LMLN: variants seen among roughly 807,000 people sequenced by gnomAD.
LMLN encodes leishmanolysin like peptidase.
Under a neutral mutation model 92.3 loss-of-function variants are expected in LMLN, and 70 were observed. The observed-to-expected ratio is 0.76, with a 90% confidence interval of 0.63 to 0.92. The LOEUF (loss-of-function observed/expected upper bound fraction) is 0.92, where lower values mean the gene tolerates loss of function less well. Among genes scored for constraint, LMLN ranks in the 40% least tolerant of loss-of-function variants. The pLI, the probability that LMLN is intolerant of heterozygous loss-of-function variation, is 0.00. For synonymous variants in LMLN, 308 were observed against 296.2 expected, an observed-to-expected ratio of 1.04 and a Z score of -0.41; for missense variants, 691 against 814.6, an observed-to-expected ratio of 0.85 and a Z score of 1.85.
intron 1 of LMLN, among the ~76,000 whole-genome samples, chr3:197,972,684 G>C (rs904176399): frequency 1.0e-4 from 15 of 150,228 alleles, no homozygotes; most frequent in Non-Finnish European, 5.9e-5. Flanking sequence ...TCTGGATTCT[G>C]TTGTATTTCT....
chr3:197,965,396 C>G (rs1461827031), intron 1 of LMLN, among the ~76,000 whole-genome samples: 1 of 151,848 alleles, frequency 6.6e-6, no homozygotes, highest in Non-Finnish European at 1.5e-5. Context: ...AATATATATT[C>G]TATAGTTTTT....
At chr3:198,040,069 A>T (rs566972816) in exon 16 of LMLN, 71 of 152,380 alleles carry the variant, frequency 4.7e-4, no homozygotes, top group African/African-American at 1.7e-3. Context: ...AAATTCTGGT[A>T]AAGACGGGTA....
intron 5 of LMLN, among the ~76,000 whole-genome samples, chr3:197,979,537 G>T (rs917021669): frequency 2.6e-5 from 4 of 152,086 alleles, no homozygotes; most frequent in Non-Finnish European, 5.9e-5. Flanking sequence ...AAATTTTTAG[G>T]CTGGGTGCAG....
At chr3:198,000,545 A>G (rs1025018434) in intron 11 of LMLN, among the ~76,000 whole-genome samples, 1 of 152,186 alleles carries the variant, frequency 6.6e-6, no homozygotes, top group Non-Finnish European at 1.5e-5. Flanking sequence ...CTCCTGCCTC[A>G]GCCTCCTGAG....
At chr3:198,014,013 T>C in intron 11 of LMLN, among the ~76,000 whole-genome samples, 1 of 142,292 alleles carries the variant, frequency 7.0e-6, no homozygotes, top group Non-Finnish European at 1.5e-5. Flanking sequence ...GTCTGACTTC[T>C]CTCCACCCTT....
chr3:198,027,502 C>A, intron 14 of LMLN, among the ~76,000 whole-genome samples: 1 of 152,108 alleles, frequency 6.6e-6, no homozygotes, highest in East Asian at 1.9e-4. Flanking sequence ...ACTCACTAAA[C>A]AATCCCTCCC....
Position 198,019,364 on chromosome 3 carries a change from G to A in LMLN, c.1344G>A (p.Lys448=). 6.2e-7 allele frequency: 1 copy of A among 1,613,928 alleles called. No individual in the cohort carries two copies. The highest frequency in any genetic ancestry group is 8.5e-7 in the Non-Finnish European group (1 of 1,180,006). Residue 448 remains lysine (K), a synonymous_variant, in exon 12 of 16, where the codon AAG becomes AAA. Transcript: ENST00000330198. The surrounding 1 kb of genome is among the most constrained non-coding windows in gnomAD (Gnocchi z 5.5). ...TGTGTAATTTGCAGAAGTTCCCTAAGCCTTTACCACAGGAATACCAGGTAG... is the reference window on the plus strand; with the variant it reads ...TGTGTAATTTGCAGAAGTTCCCTAAACCTTTACCACAGGAATACCAGGTAG...
chr3:197,964,483 C>G (rs1720995268), intron 1 of LMLN, among the ~76,000 whole-genome samples: 1 of 150,898 alleles, frequency 6.6e-6, no homozygotes, highest in African/African-American at 2.4e-5. Context: ...AGAGCAACCT[C>G]GGCTTCCTGG....
intron 1 of LMLN, among the ~76,000 whole-genome samples, chr3:197,965,355 C>A (rs951864375): frequency 6.6e-6 from 1 of 151,698 alleles, no homozygotes; most frequent in Non-Finnish European, 1.5e-5. Flanking sequence ...TATGATCTAT[C>A]CTGTTTAATT....
In LMLN at chr3:197,976,583, A is replaced by T; in HGVS notation, c.432-15A>T. 5 of 1,426,886 alleles carry T rather than the reference A, an allele frequency of 3.5e-6. No homozygotes were observed. Among genetic ancestry groups the T allele is most frequent in the Non-Finnish European group, 4.8e-6 (5 of 1,038,180 alleles). The allele number at this position is 1,426,886 out of a possible 1,614,324, so 88.4% of individuals were successfully genotyped here. A position where few individuals can be genotyped will look rare whatever the true frequency, so the allele number is the denominator to read the frequency against. ...CTTTTTTGTATTTAAACTTTGATGT[A>T]CAAATGGACTGAAGACAATGTGCAA... On this transcript the variant is annotated splice_polypyrimidine_tract_variant and intron_variant, in intron 4 of 15. Coordinates refer to ENST00000330198, the Ensembl canonical transcript of LMLN.
At chr3:198,039,015 C>T (rs1439117984) in exon 16 of LMLN, 2 of 243,378 alleles carry the variant, frequency 8.2e-6, no homozygotes, top group Non-Finnish European at 1.6e-5. Flanking sequence ...CATCAGCAAC[C>T]CAACCACCTC....
chr3:197,963,608 T>G (rs920658124), intron 1 of LMLN, among the ~76,000 whole-genome samples: 1 of 152,244 alleles, frequency 6.6e-6, no homozygotes, highest in Non-Finnish European at 1.5e-5. Flanking sequence ...AAAAATACAC[T>G]GCTAGTAGGT....
intron 9 of LMLN, among the ~76,000 whole-genome samples, chr3:197,995,771 T>G (rs1722000932): frequency 6.6e-6 from 1 of 152,180 alleles, no homozygotes. Context: ...GATGGCTATA[T>G]TAGCTCGATA....
intron 6 of LMLN, among the ~76,000 whole-genome samples, chr3:197,982,382 C>T (rs1344874196): frequency 2.6e-5 from 4 of 151,924 alleles, no homozygotes; most frequent in Non-Finnish European, 4.4e-5. Context: ...CGCACCACCA[C>T]GCCTGGCTAA....
At chr3:197,999,010 C>T (rs534876366) in intron 10 of LMLN, among the ~76,000 whole-genome samples, 1 of 152,310 alleles carries the variant, frequency 6.6e-6, no homozygotes, top group South Asian at 2.1e-4. Context: ...CTTCATTCAT[C>T]ACAGAGTTCT....
At chr3:198,018,807 G>T (rs563994944) in intron 11 of LMLN, among the ~76,000 whole-genome samples, 1 of 152,090 alleles carries the variant, frequency 6.6e-6, no homozygotes, top group Non-Finnish European at 1.5e-5. Flanking sequence ...TTTTTATATC[G>T]TCAACTGTCA....
At chr3:198,027,655 A>G (rs1165657196) in intron 14 of LMLN, among the ~76,000 whole-genome samples, 8 of 152,164 alleles carry the variant, frequency 5.3e-5, no homozygotes, top group Non-Finnish European at 1.0e-4. Context: ...TGGCATTCTC[A>G]GGGTTCATCC....
chr3:198,035,901 G>GCTCGACTA lies in LMLN; in HGVS notation c.1726_1727insTCGACTAC (p.Gln576LeufsTer12). The GCTCGACTA allele has an allele frequency of 6.2e-7, 1 of 1,613,994 alleles. No individual in the cohort carries two copies. Among genetic ancestry groups the GCTCGACTA allele is most frequent in the East Asian group, 2.2e-5 (1 of 44,876 alleles). ...CTTCATATTTGTGTAGTCGGGCTGG[G>GCTCGACTA]CAGGTCCTCCCTGTCAGTATCCAGA... On this transcript the variant is annotated frameshift_variant, in exon 15 of 16. Transcript: ENST00000330198. LOFTEE classifies it high-confidence loss of function.
intron 14 of LMLN, among the ~76,000 whole-genome samples, chr3:198,032,840 G>T (rs1042532105): frequency 6.6e-6 from 1 of 152,196 alleles, no homozygotes; most frequent in Non-Finnish European, 1.5e-5. Context: ...TATCAGCTGG[G>T]TTCGGAACGA....
Sources: gnomAD v4.1 joint callset for allele counts (sites outside exome capture counted in the v4.1 genomes callset) on GRCh38, gnomAD v4.1.1 for gene constraint, Gnocchi (gnomAD v3.1) non-coding constraint, MANE v1.5 for transcripts, NCBI Gene and HGNC (gene_info 2026-07-23, HGNC 2026-07-21) for gene names.